CCDC30: variants seen among roughly 807,000 people sequenced by gnomAD.
The protein encoded by CCDC30 is coiled-coil domain-containing protein 30.
A neutral mutation model predicts 100.2 loss-of-function variants in CCDC30; 70 were observed. That is an observed-to-expected ratio of 0.70 (90% CI 0.58 to 0.85). The LOEUF (loss-of-function observed/expected upper bound fraction) is 0.85, where lower values mean the gene tolerates loss of function less well. CCDC30 is among the 40% of genes least tolerant of loss of function. CCDC30 has a pLI of 0.00. For synonymous variants in CCDC30, 233 were observed against 269.5 expected (o/e 0.86, Z 1.33); for missense variants, 652 against 771.2 (o/e 0.85, Z 1.83).
chr1:42,640,555 A>G (rs149847669), intron 12 of CCDC30, among the ~76,000 whole-genome samples: 20 of 152,302 alleles, frequency 1.3e-4, no homozygotes, highest in African/African-American at 4.6e-4. Context: ...AATCTGGAAT[A>G]GCTTTTTCGG....
At chr1:42,626,233 T>C (rs1239228828) in intron 11 of CCDC30, among the ~76,000 whole-genome samples, 1 of 152,188 alleles carries the variant, frequency 6.6e-6, no homozygotes, top group Non-Finnish European at 1.5e-5. Context: ...TTGTTTCCAG[T>C]CTATTTGTAT....
chr1:42,629,969 A>ATTTTTTTT (rs4019432), intron 11 of CCDC30, among the ~76,000 whole-genome samples: 1 of 90,146 alleles, frequency 1.1e-5, no homozygotes, highest in Non-Finnish European at 2.1e-5. Flanking sequence ...ATGTCCCCCT[A>ATTTTTTTT]TTTTTTTTTT....
At chr1:42,472,502 G>A (rs763988744) in intron 1 of CCDC30, among the ~76,000 whole-genome samples, 2 of 152,088 alleles carry the variant, frequency 1.3e-5, no homozygotes, top group Non-Finnish European at 2.9e-5. Context: ...AGAATTAGGG[G>A]CCTCTCTAGC....
intron 6 of CCDC30, chr1:42,510,053 G>T (rs1203734785): frequency 1.0e-6 from 1 of 985,218 alleles, no homozygotes; most frequent in African/African-American, 1.7e-5. Context: ...AAAAGTCTCG[G>T]GGTTTGTGTT....
At chr1:42,621,530 G>T (rs745374378) in intron 11 of CCDC30, among the ~76,000 whole-genome samples, 2 of 109,068 alleles carry the variant, frequency 1.8e-5, no homozygotes, top group Non-Finnish European at 4.3e-5. Context: ...TATTTATTTT[G>T]AGATGGACTC....
intron 11 of CCDC30, among the ~76,000 whole-genome samples, chr1:42,628,177 T>G (rs753140665): frequency 1.3e-5 from 2 of 152,174 alleles, no homozygotes; most frequent in African/African-American, 2.4e-5. Context: ...TTTTGGAGCT[T>G]TAAAATTGAC....
downstream of CCDC30, among the ~76,000 whole-genome samples, chr1:42,655,581 G>A (rs574175751): frequency 9.9e-5 from 15 of 152,132 alleles, no homozygotes; most frequent in Admixed American, 3.9e-4. Flanking sequence ...AATAAAAGTG[G>A]ATAGGAAAAT....
At chr1:42,569,936 T>C (rs1248894863) in intron 7 of CCDC30, among the ~76,000 whole-genome samples, 1 of 152,010 alleles carries the variant, frequency 6.6e-6, no homozygotes, top group African/African-American at 2.4e-5. Context: ...TGAGAACACA[T>C]GGACACAGGG....
intron 6 of CCDC30, among the ~76,000 whole-genome samples, chr1:42,550,478 A>G (rs1231096505): frequency 6.6e-6 from 1 of 151,578 alleles, no homozygotes; most frequent in East Asian, 1.9e-4. Context: ...GCCTCTACCT[A>G]CCTCCTCCTC....
the CCDC30 span, chr1:42,456,772 G>A: frequency 6.2e-7 from 1 of 1,612,636 alleles, no homozygotes; most frequent in South Asian, 1.1e-5. Context: ...GTGCAACCTC[G>A]GCCGAGGCCT....
chr1:42,579,066 C>G (rs1433668835), intron 8 of CCDC30, among the ~76,000 whole-genome samples: 1 of 152,110 alleles, frequency 6.6e-6, no homozygotes, highest in Non-Finnish European at 1.5e-5. Context: ...TCTCGGCTCA[C>G]TGCAGCCTCT....
intron 15 of CCDC30, among the ~76,000 whole-genome samples, chr1:42,647,454 A>G (rs1295591325): frequency 1.3e-5 from 2 of 152,212 alleles, no homozygotes; most frequent in East Asian, 1.9e-4. Context: ...ACATTAATAG[A>G]CCTAAAGTGA....
the CCDC30 span, chr1:42,457,176 C>G: frequency 3.1e-6 from 5 of 1,604,056 alleles, no homozygotes; most frequent in Admixed American, 5.0e-5. Flanking sequence ...GCTGGGGAAC[C>G]CGAGTTGAGA....
In CCDC30 at chr1:42,531,037, T is replaced by A. The variant is rs541057063; in HGVS notation, c.456+32121T>A. Among the ~76,000 whole-genome samples, 22 of 152,320 alleles carry A rather than the reference T, an allele frequency of 1.4e-4. No individual in the cohort carries two copies. The East Asian group carries it at 4.0e-3, about 28-fold the overall frequency. On this transcript the variant is annotated intron_variant, in intron 6 of 16. Coordinates refer to ENST00000668663, the Ensembl canonical transcript of CCDC30. ...GTTCCCACCCAAATTTCATGTTGAA[T>A]TGTAATATTAAATAAAAACCCCAAT...
At chr1:42,545,186 A>AAAAAAAAAAAAAAAAT (rs760685126) in intron 6 of CCDC30, among the ~76,000 whole-genome samples, 3 of 126,044 alleles carry the variant, frequency 2.4e-5, no homozygotes, top group Admixed American at 8.7e-5. Flanking sequence ...AAAAAAAAAA[A>AAAAAAAAAAAAAAAAT]AAGGGAATTT....
chr1:42,596,589 G>A lies in CCDC30; in HGVS notation c.1164+7106G>A, dbSNP rs1435430273. ...AGGGGCACAGGCTTACTAAAAGACTGTACCTAATCATAGAGCTATAGAATG... is the reference window on the plus strand; with the variant it reads ...AGGGGCACAGGCTTACTAAAAGACTATACCTAATCATAGAGCTATAGAATG... On this transcript the variant is annotated intron_variant, in intron 10 of 16. Coordinates refer to ENST00000668663, the Ensembl canonical transcript of CCDC30. The surrounding 1 kb of genome is among the most constrained non-coding windows in gnomAD (Gnocchi z 4.3). Among the ~76,000 whole-genome samples, 1 of 151,966 alleles carries A rather than the reference G, an allele frequency of 6.6e-6. No individual in the cohort carries two copies. Among genetic ancestry groups the A allele is most frequent in the Admixed American group, 6.6e-5 (1 of 15,248 alleles).
intron 6 of CCDC30, chr1:42,500,213 C>T (rs1644288418): frequency 3.8e-6 from 6 of 1,569,704 alleles, no homozygotes; most frequent in African/African-American, 1.4e-5. Context: ...CATTATGATT[C>T]GCCTGCTTGC....
In CCDC30 at chr1:42,596,409, T is replaced by G. The variant is rs1017281692; in HGVS notation, c.1164+6926T>G. 1.8e-4 allele frequency among the ~76,000 whole-genome samples: 28 copies of G among 152,190 alleles called. No individual in the cohort carries two copies. Among genetic ancestry groups the G allele is most frequent in the African/African-American group, 6.7e-4 (28 of 41,514 alleles). On this transcript the variant is annotated intron_variant, in intron 10 of 16. Transcript: ENST00000668663. This position sits in a 1 kb window ranked among gnomAD's most constrained non-coding sequence, Gnocchi z 4.3. ...AACAGGGTCTGCCGGCAGGAGAAAC[T>G]ATTTAACCAGAGCCTAAGCTGTTGG...
At chr1:42,519,840 A>G (rs1228215827) in intron 6 of CCDC30, among the ~76,000 whole-genome samples, 1 of 152,192 alleles carries the variant, frequency 6.6e-6, no homozygotes, top group Non-Finnish European at 1.5e-5. Flanking sequence ...GGCGTGAGCC[A>G]CCATGCCTGG....
Sources: allele counts gnomAD v4.1 joint callset (sites outside exome capture counted in the v4.1 genomes callset), GRCh38; gene constraint gnomAD v4.1.1; non-coding constraint Gnocchi (gnomAD v3.1); transcripts MANE v1.5; gene names NCBI Gene and HGNC (gene_info 2026-07-23, HGNC 2026-07-21).